PXYLP1: variants seen among roughly 807,000 people sequenced by gnomAD.
PXYLP1 encodes acid phosphatase-like 2.
In PXYLP1, 17 loss-of-function variants were observed where a neutral mutation model predicts 37.9. That is an observed-to-expected ratio of 0.45 (90% CI 0.31 to 0.67). PXYLP1 has a LOEUF of 0.67. PXYLP1 is among the 30% of genes least tolerant of loss of function. PXYLP1 has a pLI of 0.07. For synonymous variants in PXYLP1, 221 were observed against 232.2 expected (o/e 0.95, Z 0.44); for missense variants, 511 against 612.0 (o/e 0.84, Z 1.74).
At chr3:141,267,877 C>G (rs1941557968) in intron 2 of PXYLP1, among the ~76,000 whole-genome samples, 1 of 151,764 alleles carries the variant, frequency 6.6e-6, no homozygotes, top group Non-Finnish European at 1.5e-5. Context: ...CTGTCTCTCT[C>G]CCTCTCTCCC....
At chr3:141,278,594 C>G (rs1222048484) in intron 3 of PXYLP1, 94 bp downstream of exon 3, 9 of 1,492,970 alleles carry the variant, frequency 6.0e-6, no homozygotes, top group Admixed American at 1.9e-5. Context: ...TGGCCAGGAC[C>G]CAAGTCCTGC....
At chr3:141,243,957 A>G (rs752131005) in intron 1 of PXYLP1, among the ~76,000 whole-genome samples, 22 of 152,260 alleles carry the variant, frequency 1.4e-4, no homozygotes, top group Non-Finnish European at 3.2e-4. Flanking sequence ...TTTAGAAGTA[A>G]TACAAGTTTG....
chr3:141,240,153 C>T (rs1212748927), intron 1 of PXYLP1, among the ~76,000 whole-genome samples: 1 of 152,200 alleles, frequency 6.6e-6, no homozygotes, highest in Non-Finnish European at 1.5e-5. Context: ...TTGGCCTTTC[C>T]TTCATGATGG....
intron 1 of PXYLP1, among the ~76,000 whole-genome samples, chr3:141,243,467 C>T (rs1034337733): frequency 3.9e-5 from 6 of 152,226 alleles, no homozygotes; most frequent in Non-Finnish European, 8.8e-5. Context: ...CTGCATAAGG[C>T]CTGTCATCCA....
intron 2 of PXYLP1, among the ~76,000 whole-genome samples, chr3:141,269,570 G>A (rs1941611407): frequency 6.6e-6 from 1 of 152,148 alleles, no homozygotes; most frequent in Non-Finnish European, 1.5e-5. Context: ...GCCTGAACCT[G>A]TGGACTTCTG....
At chr3:141,275,437 T>C (rs1294830043) in intron 2 of PXYLP1, among the ~76,000 whole-genome samples, 1 of 152,230 alleles carries the variant, frequency 6.6e-6, no homozygotes, top group African/African-American at 2.4e-5. Flanking sequence ...TCTCCTTAGC[T>C]GCTTCTGTCC....
At chr3:141,237,429 C>G (rs1047418575) in intron 1 of PXYLP1, among the ~76,000 whole-genome samples, 1 of 152,166 alleles carries the variant, frequency 6.6e-6, no homozygotes, top group African/African-American at 2.4e-5. Context: ...CATTCAGAGG[C>G]CAAACTGACT....
In PXYLP1 at chr3:141,246,700, G is replaced by T. The variant is rs554070918; in HGVS notation, c.-53-13423G>T. On this transcript the variant is annotated intron_variant, in intron 1 of 5. Transcript: ENST00000286353. ...ACCAGGCAGTGTTCTTGGCCCTGGG[G>T]ATACATGTATAGGGAGCAAGACTGA... 1.4e-3 allele frequency among the ~76,000 whole-genome samples: 211 copies of T among 152,302 alleles called. 1 individual carries two copies. Among genetic ancestry groups the T allele is most frequent in the African/African-American group, 4.9e-3 (203 of 41,564 alleles).
intron 4 of PXYLP1, among the ~76,000 whole-genome samples, chr3:141,280,352 C>G (rs1941920896): frequency 6.6e-6 from 1 of 152,360 alleles, no homozygotes; most frequent in East Asian, 1.9e-4. Context: ...CTTTGTAGCT[C>G]GTCTTGCAGG....
chr3:141,249,340 A>T (rs1033005889), intron 1 of PXYLP1, among the ~76,000 whole-genome samples: 1 of 152,206 alleles, frequency 6.6e-6, no homozygotes, highest in Non-Finnish European at 1.5e-5. Flanking sequence ...GCTCCTGTCC[A>T]TGAGTCCATC....
intron 2 of PXYLP1, among the ~76,000 whole-genome samples, chr3:141,278,101 G>A (rs865783015): frequency 2.0e-5 from 3 of 152,162 alleles, no homozygotes; most frequent in Non-Finnish European, 4.4e-5. Context: ...CTTTGCTTGG[G>A]AGGCTCCCCT....
At chr3:141,245,735 T>G (rs1253427725) in intron 1 of PXYLP1, among the ~76,000 whole-genome samples, 1 of 152,238 alleles carries the variant, frequency 6.6e-6, no homozygotes, top group East Asian at 1.9e-4. Context: ...AATTAGATAT[T>G]TGCTCACGGG....
chr3:141,279,904 G>C (rs1941907070), intron 4 of PXYLP1, among the ~76,000 whole-genome samples: 1 of 152,208 alleles, frequency 6.6e-6, no homozygotes, highest in Non-Finnish European at 1.5e-5. Context: ...GGATCACAAG[G>C]CTCCCCATGC....
intron 1 of PXYLP1, among the ~76,000 whole-genome samples, chr3:141,246,149 AG>A (rs1357688146): frequency 1.3e-5 from 2 of 152,166 alleles, no homozygotes; most frequent in Non-Finnish European, 2.9e-5. Flanking sequence ...TAGCAGTTAG[AG>A]GTCAATTCCA....
intron 2 of PXYLP1, among the ~76,000 whole-genome samples, chr3:141,264,748 TG>T (rs1941467191): frequency 6.6e-6 from 1 of 152,214 alleles, no homozygotes; most frequent in South Asian, 2.1e-4. Flanking sequence ...TTACCAGCTA[TG>T]TGACCTCAGG....
chr3:141,259,173 A>G (rs1024089688), intron 1 of PXYLP1, among the ~76,000 whole-genome samples: 2 of 152,212 alleles, frequency 1.3e-5, no homozygotes, highest in Admixed American at 6.5e-5. Flanking sequence ...ACATTAGCAG[A>G]TGAGCTTTTA....
intron 1 of PXYLP1, among the ~76,000 whole-genome samples, chr3:141,251,484 A>G (rs546801636): frequency 6.6e-6 from 1 of 152,332 alleles, no homozygotes; most frequent in East Asian, 1.9e-4. Context: ...GAGTTTAGGA[A>G]ATATTCTCTC....
intron 2 of PXYLP1, among the ~76,000 whole-genome samples, chr3:141,261,161 T>TC (rs1941387111): frequency 6.6e-6 from 1 of 152,324 alleles, no homozygotes; most frequent in African/African-American, 2.4e-5. Context: ...CCCGTTTTTT[T>TC]CTTGAAATAG....
chr3:141,257,845 A>G (rs534161191), intron 1 of PXYLP1, among the ~76,000 whole-genome samples: 195 of 142,938 alleles, frequency 1.4e-3, no homozygotes, highest in African/African-American at 4.7e-3. Context: ...CTGAGGTTGC[A>G]GTGATCCAAG....
Sources: allele counts gnomAD v4.1 joint callset (sites outside exome capture counted in the v4.1 genomes callset), GRCh38; gene constraint gnomAD v4.1.1; transcripts MANE v1.5; gene names NCBI Gene and HGNC (gene_info 2026-07-23, HGNC 2026-07-21).